AIM2: variants seen among roughly 807,000 people sequenced by gnomAD.
AIM2 encodes absent in melanoma 2.
AIM2 carries 30 observed loss-of-function variants against 27.7 expected under a neutral mutation model. The observed-to-expected ratio is 1.08, with a 90% CI of 0.81 to 1.47. The LOEUF (loss-of-function observed/expected upper bound fraction) is 1.47. Among genes scored for constraint, AIM2 ranks in the 40% most tolerant of loss-of-function variants. AIM2 has a pLI of 0.00. For synonymous variants in AIM2, 141 were observed against 145.3 expected, an observed-to-expected ratio of 0.97 and a Z score of 0.21; for missense variants, 358 against 411.3, an observed-to-expected ratio of 0.87 and a Z score of 1.12.
intron 3 of AIM2, among the ~76,000 whole-genome samples, chr1:159,067,008 GAA>G (rs1374715412): frequency 6.6e-6 from 1 of 151,946 alleles, no homozygotes; most frequent in African/African-American, 2.4e-5. Flanking sequence ...TATAAAAAAA[GAA>G]ATAATTTAAA....
intron 1 of AIM2, among the ~76,000 whole-genome samples, chr1:159,094,526 G>A (rs1189874382): frequency 6.6e-6 from 1 of 152,214 alleles, no homozygotes; most frequent in Middle Eastern, 3.4e-3. Flanking sequence ...GTGAAACTTT[G>A]TCTCTACTAA....
chr1:159,057,621 T>G (rs1348964209), downstream of AIM2, among the ~76,000 whole-genome samples: 3 of 152,224 alleles, frequency 2.0e-5, no homozygotes. Flanking sequence ...TTCTGAGCTG[T>G]AGCTGGAGCT....
intron 1 of AIM2, among the ~76,000 whole-genome samples, chr1:159,125,827 C>T (rs1446821051): frequency 6.6e-6 from 1 of 152,044 alleles, no homozygotes; most frequent in Non-Finnish European, 1.5e-5. Flanking sequence ...GGGGTAAGGT[C>T]GGCCTGTGTG....
chr1:159,102,199 A>G (rs1321607776), intron 1 of AIM2, among the ~76,000 whole-genome samples: 1 of 152,236 alleles, frequency 6.6e-6, no homozygotes, highest in Non-Finnish European at 1.5e-5. Flanking sequence ...CCAGTGCTTC[A>G]GAGGGTGCAA....
intron 1 of AIM2, among the ~76,000 whole-genome samples, chr1:159,111,997 G>T (rs1267087334): frequency 6.6e-6 from 1 of 151,854 alleles, no homozygotes; most frequent in African/African-American, 2.4e-5. Flanking sequence ...AGCCAAGATT[G>T]CCCCACTGCA....
In AIM2 at chr1:159,066,103, A is replaced by G. The variant is rs770609652; in HGVS notation, c.623T>C (p.Ile208Thr). 2.2e-5 allele frequency: 36 copies of G among 1,614,192 alleles called. 1 individual carries two copies. The South Asian group carries it at 3.5e-4, about 16-fold the overall frequency. The change falls in exon 4 of 6, where the codon ATA (isoleucine) becomes ACA (threonine). Residue 208 changes from isoleucine (I) to threonine (T), a missense_variant. Physicochemically the swap from Ile to Thr is moderately conservative, Grantham distance 89. Transcript: ENST00000368130. The part of the protein sequence containing the change: ...KDKFIPKRII[I>T]IARYYRHSGF... ...ACTGTGCCGATAATATCTTGCTATT[A>G]TAATTATTCTCTTTGGAATGAATTT...
the AIM2 span, among the ~76,000 whole-genome samples, chr1:159,057,242 C>T: frequency 6.6e-6 from 1 of 151,642 alleles, no homozygotes; most frequent in African/African-American, 2.4e-5. Context: ...TGTCAATAGC[C>T]TTGATTCCCT....
intron 1 of AIM2, among the ~76,000 whole-genome samples, chr1:159,109,963 T>A (rs1218708503): frequency 6.6e-6 from 1 of 152,180 alleles, no homozygotes; most frequent in East Asian, 1.9e-4. Flanking sequence ...CTGGTGGGAA[T>A]GTAAACTAGT....
intron 4 of AIM2, among the ~76,000 whole-genome samples, chr1:159,064,568 C>A (rs577349157): frequency 6.6e-6 from 1 of 152,332 alleles, no homozygotes; most frequent in Non-Finnish European, 1.5e-5. Context: ...TGGGTTCAAG[C>A]GATTCTCTTG....
intron 3 of AIM2, among the ~76,000 whole-genome samples, chr1:159,067,113 A>T (rs1656137734): frequency 6.6e-6 from 1 of 152,186 alleles, no homozygotes; most frequent in African/African-American, 2.4e-5. Context: ...AATATGATAA[A>T]CTGTTATAAC....
At chr1:159,081,567 T>C, upstream of AIM2, 1 of 490,088 alleles carries the variant, frequency 2.0e-6, no homozygotes, top group East Asian at 6.1e-5. Flanking sequence ...GGCTCTTGAG[T>C]ATTGATTTTG....
At chr1:159,078,025 T>C (rs968788446), upstream of AIM2, among the ~76,000 whole-genome samples, 1 of 152,192 alleles carries the variant, frequency 6.6e-6, no homozygotes, top group Non-Finnish European at 1.5e-5. Context: ...CACCTAACCA[T>C]GCCCAGGTAA....
At chr1:159,136,390 G>A (rs1483948028) in intron 1 of AIM2, among the ~76,000 whole-genome samples, 1 of 152,076 alleles carries the variant, frequency 6.6e-6, no homozygotes, top group Non-Finnish European at 1.5e-5. Flanking sequence ...CTAGGTATTA[G>A]TTAGATCATT....
chr1:159,063,458 A>G (rs1225066325), intron 5 of AIM2, 28 bp downstream of exon 5: 1 of 1,585,464 alleles, frequency 6.3e-7, no homozygotes, highest in Non-Finnish European at 8.6e-7. Context: ...CCCCTTGGAG[A>G]GTTGACTTTG....
chr1:159,129,528 C>T (rs1647811816), intron 1 of AIM2, among the ~76,000 whole-genome samples: 1 of 152,160 alleles, frequency 6.6e-6, no homozygotes, highest in African/African-American at 2.4e-5. Flanking sequence ...GGTATCAATG[C>T]TGTCTCCACC....
chr1:159,058,184 T>G (rs1250780566), downstream of AIM2, among the ~76,000 whole-genome samples: 1 of 151,966 alleles, frequency 6.6e-6, no homozygotes, highest in Non-Finnish European at 1.5e-5. Context: ...TGAAACTCCA[T>G]CTCTACATAC....
chr1:159,095,554 C>A (rs1657162097), intron 1 of AIM2, among the ~76,000 whole-genome samples: 1 of 152,252 alleles, frequency 6.6e-6, no homozygotes, highest in South Asian at 2.1e-4. Flanking sequence ...ATGCTCTCTG[C>A]TATGTTCTGC....
chr1:159,096,471 G>T (rs1159511965), intron 1 of AIM2, among the ~76,000 whole-genome samples: 1 of 152,026 alleles, frequency 6.6e-6, no homozygotes, highest in Non-Finnish European at 1.5e-5. Context: ...TAATAATATA[G>T]TATTTAATAA....
upstream of AIM2, among the ~76,000 whole-genome samples, chr1:159,079,621 T>C (rs1656726273): frequency 1.3e-5 from 2 of 152,204 alleles, no homozygotes; most frequent in South Asian, 4.1e-4. Flanking sequence ...GGTTTCCATA[T>C]ACCCTTTTCC....
Sources: gnomAD v4.1 joint callset for allele counts (sites outside exome capture counted in the v4.1 genomes callset) on GRCh38, gnomAD v4.1.1 for gene constraint, MANE v1.5 for transcripts, NCBI Gene and HGNC (gene_info 2026-07-23, HGNC 2026-07-21) for gene names.